ITGBL1: variants seen among roughly 807,000 people sequenced by gnomAD.
The protein encoded by ITGBL1 is integrin beta-like protein 1.
A neutral mutation model predicts 68.5 loss-of-function variants in ITGBL1; 51 were observed. That is an observed-to-expected ratio of 0.74 (90% CI 0.59 to 0.94). The LOEUF is 0.94. Ranked by LOEUF, ITGBL1 falls within the 40% of genes least tolerant of loss-of-function variation. The probability of loss-of-function intolerance (pLI) is 0.00; values close to 1 mark genes in which losing one functional copy is unlikely to be tolerated. For synonymous variants in ITGBL1, 209 were observed against 227.3 expected (o/e 0.92, Z 0.72); for missense variants, 649 against 647.4 (o/e 1.00, Z -0.03).
intron 2 of ITGBL1, among the ~76,000 whole-genome samples, chr13:101,504,778 C>T: frequency 6.6e-6 from 1 of 152,318 alleles, no homozygotes; most frequent in East Asian, 1.9e-4. Flanking sequence ...ACTGCTATGA[C>T]TTGCTTTGGT....
chr13:101,651,632 C>A (rs1159959289), intron 7 of ITGBL1, among the ~76,000 whole-genome samples: 5 of 152,096 alleles, frequency 3.3e-5, no homozygotes, highest in Non-Finnish European at 7.4e-5. Flanking sequence ...TGTGTTCACT[C>A]TGATAATAGT....
At chr13:101,621,151 A>G (rs1268761891) in intron 7 of ITGBL1, among the ~76,000 whole-genome samples, 1 of 152,188 alleles carries the variant, frequency 6.6e-6, no homozygotes, top group Admixed American at 6.6e-5. Flanking sequence ...TGATGCTAAT[A>G]TCATACACGT....
intron 7 of ITGBL1, among the ~76,000 whole-genome samples, chr13:101,605,001 T>C (rs1429805318): frequency 7.5e-6 from 1 of 133,618 alleles, no homozygotes; most frequent in African/African-American, 2.7e-5. Context: ...TATGTATATA[T>C]ACATATATGC....
intron 7 of ITGBL1, among the ~76,000 whole-genome samples, chr13:101,603,793 A>G (rs1170210833): frequency 1.3e-5 from 2 of 151,942 alleles, no homozygotes; most frequent in African/African-American, 2.4e-5. Context: ...CTTCATCTCA[A>G]AAATAGATTT....
chr13:101,583,101 A>G, intron 5 of ITGBL1, 115 bp from the exon 6 acceptor site: 1 of 999,330 alleles, frequency 1.0e-6, no homozygotes, highest in East Asian at 2.4e-5. Context: ...TTTTGTCTGA[A>G]TATATGTGTT....
At chr13:101,622,156 C>T (rs1484266385) in intron 7 of ITGBL1, among the ~76,000 whole-genome samples, 3 of 152,194 alleles carry the variant, frequency 2.0e-5, no homozygotes, top group East Asian at 3.9e-4. Context: ...TTAAACAAGG[C>T]TTCTAATATT....
At chr13:101,695,138 G>A (rs953804718) in intron 8 of ITGBL1, among the ~76,000 whole-genome samples, 1 of 152,160 alleles carries the variant, frequency 6.6e-6, no homozygotes, top group Non-Finnish European at 1.5e-5. Flanking sequence ...TAGGCTGAAG[G>A]CTAAGAAAGA....
At chr13:101,686,644 G>T (rs927438373) in intron 7 of ITGBL1, among the ~76,000 whole-genome samples, 3 of 151,446 alleles carry the variant, frequency 2.0e-5, no homozygotes, top group Admixed American at 6.6e-5. Context: ...TAGAAGATTG[G>T]GTTTAAGGTT....
At chr13:101,658,811 G>A (rs2033002107) in intron 7 of ITGBL1, among the ~76,000 whole-genome samples, 2 of 152,014 alleles carry the variant, frequency 1.3e-5, no homozygotes, top group South Asian at 2.1e-4. Flanking sequence ...CTGGGCTGGG[G>A]TTTCCTAAGC....
intron 6 of ITGBL1, among the ~76,000 whole-genome samples, chr13:101,584,208 G>A (rs367981883): frequency 6.6e-6 from 1 of 152,194 alleles, no homozygotes; most frequent in African/African-American, 2.4e-5. Context: ...GTAGGAGCCA[G>A]TAGGGGACAG....
At chr13:101,670,994 A>AT (rs1397937406) in intron 7 of ITGBL1, among the ~76,000 whole-genome samples, 1 of 152,044 alleles carries the variant, frequency 6.6e-6, no homozygotes, top group Non-Finnish European at 1.5e-5. Context: ...TTCTTCATCA[A>AT]TTTTGTCATT....
intron 9 of ITGBL1, among the ~76,000 whole-genome samples, chr13:101,709,394 A>G (rs1015963058): frequency 9.0e-5 from 13 of 144,422 alleles, no homozygotes; most frequent in South Asian, 2.2e-4. Context: ...AAAAAAAAAA[A>G]AAAAGAAAAG....
chr13:101,719,504 G>C (rs1169146327), downstream of ITGBL1: 1 of 152,014 alleles, frequency 6.6e-6, no homozygotes, highest in Non-Finnish European at 1.5e-5. Flanking sequence ...ACATAGGGTG[G>C]AGAATTGTCA....
chr13:101,534,040 G>T (rs934063968), intron 2 of ITGBL1, among the ~76,000 whole-genome samples: 1 of 152,092 alleles, frequency 6.6e-6, no homozygotes, highest in Non-Finnish European at 1.5e-5. Flanking sequence ...TGTCAGGGAA[G>T]ACAAAGATAG....
chr13:101,694,484 T>C (rs2033958647), intron 8 of ITGBL1, among the ~76,000 whole-genome samples: 1 of 151,962 alleles, frequency 6.6e-6, no homozygotes, highest in Non-Finnish European at 1.5e-5. Flanking sequence ...AGTGCAGTGG[T>C]AGAAGCAGAG....
At chr13:101,510,595 A>T (rs2049100010) in intron 2 of ITGBL1, among the ~76,000 whole-genome samples, 1 of 152,146 alleles carries the variant, frequency 6.6e-6, no homozygotes, top group South Asian at 2.1e-4. Context: ...AAGTAGTTGA[A>T]CTAATTTACA....
At chr13:101,570,663 A>G (rs1308165179) in intron 3 of ITGBL1, among the ~76,000 whole-genome samples, 2 of 152,168 alleles carry the variant, frequency 1.3e-5, no homozygotes, top group Admixed American at 1.3e-4. Context: ...AGGCTTTTAT[A>G]GGGTGAACAG....
chr13:101,719,406 C>T (rs2034843980), downstream of ITGBL1: 1 of 151,564 alleles, frequency 6.6e-6, no homozygotes, highest in Non-Finnish European at 1.5e-5. Context: ...TACCCAAAAA[C>T]ATTCAGGACA....
rs147843198 is a variant in ITGBL1, at chr13:101,712,088, C to G, written c.1280-2350C>G. 5.3e-4 allele frequency: 81 copies of G among 152,282 alleles called. 1 individual carries two copies. The highest frequency in any genetic ancestry group is 1.8e-3 in the African/African-American group (76 of 41,550). 9.4% of individuals were successfully genotyped at this position (152,282 alleles called of 1,614,324 possible). A position where few individuals can be genotyped will look rare whatever the true frequency, so the allele number is the denominator to read the frequency against. On this transcript the variant is annotated intron_variant, in intron 9 of 10. Transcript: ENST00000376180. ...GGAAGAAAACAGCTAGAGCGTTCTA[C>G]AGGAAAAGTGCTATAATAGGTCCTA... is the stretch of plus-strand genomic sequence containing the variant.
Sources: allele counts gnomAD v4.1 joint callset (sites outside exome capture counted in the v4.1 genomes callset), GRCh38; gene constraint gnomAD v4.1.1; transcripts MANE v1.5; gene names NCBI Gene and HGNC (gene_info 2026-07-23, HGNC 2026-07-21).